Variants in RFX2 observed in about 807,000 individuals in gnomAD.
The protein encoded by RFX2 is regulatory factor X2, also known as DNA-binding protein RFX2.
Under a neutral mutation model 87.8 loss-of-function variants are expected in RFX2, and 20 were observed. The observed-to-expected ratio is 0.23, with a 90% CI of 0.16 to 0.33. The LOEUF (loss-of-function observed/expected upper bound fraction) is 0.33. Among genes scored for constraint, RFX2 ranks in the 10% least tolerant of loss-of-function variants. The pLI, the probability that RFX2 is intolerant of heterozygous loss-of-function variation, is 1.00. For synonymous variants in RFX2, 397 were observed against 431.3 expected (o/e 0.92, Z 0.98); for missense variants, 767 against 1,012.3 (o/e 0.76, Z 3.29).
intron 1 of RFX2, among the ~76,000 whole-genome samples, chr19:6,052,404 CT>C (rs1485579703): frequency 2.0e-5 from 3 of 152,048 alleles, no homozygotes; most frequent in Admixed American, 1.3e-4. Context: ...ATTAACAAAA[CT>C]AAAGGAGGAA....
rs1335413991 is a variant in RFX2 at position 6,047,573 on chromosome 19, C to T, written c.-8-69G>A. ...CACTGAAATCCGAAGAGGCAACTAA[C>T]AAGTTCAAGGGAGGGAAGGAGTAAC... On this transcript the variant is annotated intron_variant, in intron 1 of 17. Transcript: ENST00000303657. This position sits in a 1 kb window ranked among gnomAD's most constrained non-coding sequence, Gnocchi z 4.2. 22 of 1,275,694 alleles carry T rather than the reference C, an allele frequency of 1.7e-5. No homozygotes were observed. The highest frequency in any genetic ancestry group is 2.1e-5 in the Non-Finnish European group (19 of 898,428). The allele number at this position is 1,275,694 out of a possible 1,614,324, so 79.0% of individuals were successfully genotyped here.
chr19:6,108,530 G>A (rs1305469317), intron 1 of RFX2, among the ~76,000 whole-genome samples: 1 of 152,110 alleles, frequency 6.6e-6, no homozygotes. Flanking sequence ...ACTTTGTTGG[G>A]GAACTCTTAG....
At chr19:6,065,990 G>A (rs996787740) in intron 1 of RFX2, among the ~76,000 whole-genome samples, 6 of 151,922 alleles carry the variant, frequency 3.9e-5, no homozygotes, top group Non-Finnish European at 5.9e-5. Context: ...GTGGGGGCGG[G>A]GGCTGGGGGC....
rs1023631913 is a variant in RFX2, at chr19:6,007,081, T to A, written c.1333A>T (p.Ser445Cys). 1 of 1,614,094 alleles carries A rather than the reference T, an allele frequency of 6.2e-7. No homozygotes were observed. Residue 445 changes from serine (S) to cysteine (C), a missense_variant, in exon 12 of 18, where the codon AGC (serine) becomes TGC (cysteine). This residue lies in a region of RFX2 where 621 missense variants were observed against 873.0 expected (regional missense o/e 0.71). Coordinates refer to ENST00000303657, the MANE Select transcript of RFX2 (RefSeq NM_000635.4). The surrounding 1 kb of genome is among the most constrained non-coding windows in gnomAD (Gnocchi z 8.2). ...GCCTGGTAGAGGATGTGGTCGCAGC[T>A]CCTCATCCACCTGAGGATGGGGTCG... The part of the protein sequence containing the change: ...QCDPILRWMR[S>C]CDHILYQALV...
In RFX2 at chr19:6,002,445, G is replaced by A. The variant is rs73923416; in HGVS notation, c.1650+276C>T. Among the ~76,000 whole-genome samples, 1 of 152,232 alleles carries A rather than the reference G, an allele frequency of 6.6e-6. No individual in the cohort carries two copies. The highest frequency in any genetic ancestry group is 2.4e-5 in the African/African-American group (1 of 41,460). On this transcript the variant is annotated intron_variant, in intron 14 of 17. Transcript: ENST00000303657. The surrounding 1 kb of genome is among the most constrained non-coding windows in gnomAD (Gnocchi z 6.7). ...GGAAAATGGCCACAGGGAGGTCAAC[G>A]TGGTGCCACGATCCTGGAAGCTGGG...
chr19:6,086,247 G>A (rs934737733), intron 1 of RFX2, among the ~76,000 whole-genome samples: 5 of 152,054 alleles, frequency 3.3e-5, no homozygotes, highest in South Asian at 2.1e-4. Context: ...GCCATGAGTC[G>A]CTTCCTGACA....
intron 1 of RFX2, among the ~76,000 whole-genome samples, chr19:6,080,202 A>ATATGTG (rs1555681457): frequency 5.8e-5 from 8 of 138,412 alleles, no homozygotes; most frequent in African/African-American, 2.1e-4. Flanking sequence ...TGCCTGGTTA[A>ATATGTG]TGTGTGTGTG....
chr19:6,007,810 T>C lies in RFX2; in HGVS notation c.1135-8A>G, dbSNP rs775099594. The C allele has an allele frequency of 5.9e-6, 9 of 1,531,328 alleles. No individual in the cohort carries two copies. Among genetic ancestry groups the C allele is most frequent in the Non-Finnish European group, 8.0e-6 (9 of 1,128,196 alleles). The allele number at this position is 1,531,328 out of a possible 1,614,324, so 94.9% of individuals were successfully genotyped here. Reference sequence around the variant, plus strand: ...CACCACATCTACAGTTGCCTAGGAATGAAGGGACCGGTGAGACAGACGGGT... The same window carrying C: ...CACCACATCTACAGTTGCCTAGGAACGAAGGGACCGGTGAGACAGACGGGT... On this transcript the variant is annotated splice_polypyrimidine_tract_variant and splice_region_variant and intron_variant, in intron 10 of 17. Coordinates refer to ENST00000303657, the MANE Select transcript of RFX2 (RefSeq NM_000635.4). This position sits in a 1 kb window ranked among gnomAD's most constrained non-coding sequence, Gnocchi z 8.2.
At chr19:6,087,500 AC>A (rs773047073) in intron 1 of RFX2, among the ~76,000 whole-genome samples, 2 of 152,090 alleles carry the variant, frequency 1.3e-5, no homozygotes, top group Non-Finnish European at 2.9e-5. Context: ...TCTAGCATCC[AC>A]CCATCCAACC....
chr19:6,004,142 C>T lies in RFX2; in HGVS notation c.1500+59G>A. The T allele has an allele frequency of 7.8e-7, 1 of 1,283,234 alleles. No individual in the cohort carries two copies. The highest frequency in any genetic ancestry group is 1.1e-6 in the Non-Finnish European group (1 of 878,980). The allele number at this position is 1,283,234 out of a possible 1,614,324, so 79.5% of individuals were successfully genotyped here. On this transcript the variant is annotated intron_variant, in intron 13 of 17. Transcript: ENST00000303657. The surrounding 1 kb of genome is among the most constrained non-coding windows in gnomAD (Gnocchi z 4.8). ...TGGGACACAGTGGTCCTCATGCTGT[C>T]CTGGACTGGAGCCCCTCCCAGCCAT...
At chr19:5,995,454 T>C in intron 17 of RFX2, 147 bp downstream of exon 17, 1 of 773,260 alleles carries the variant, frequency 1.3e-6, no homozygotes, top group South Asian at 1.6e-5. Context: ...CATCACCCAC[T>C]GTCCGGATGA....
rs1036701630 is a variant in RFX2 at position 6,006,974 on chromosome 19, G to A, written c.1402+38C>T. On this transcript the variant is annotated intron_variant, in intron 12 of 17. Coordinates refer to ENST00000303657, the MANE Select transcript of RFX2 (RefSeq NM_000635.4). Reference sequence around the variant, plus strand: ...AAAGGACAGAGGAGGCAGGAAGAGAGGATGGAGCAGCGCCGGGCGGGGCCG... The same window carrying A: ...AAAGGACAGAGGAGGCAGGAAGAGAAGATGGAGCAGCGCCGGGCGGGGCCG... The A allele has an allele frequency of 5.6e-6, 9 of 1,606,514 alleles. No individual in the cohort carries two copies. The African/African-American group carries it at 1.2e-4, about 21-fold the overall frequency.
rs1017982198 is a variant in RFX2, at chr19:6,034,237, T to C, written c.522+5743A>G. Among the ~76,000 whole-genome samples the C allele has an allele frequency of 1.2e-3, 182 of 150,454 alleles. 1 individual carries two copies. Among genetic ancestry groups the C allele is most frequent in the African/African-American group, 4.4e-3 (178 of 40,898 alleles). On this transcript the variant is annotated intron_variant, in intron 5 of 17. Coordinates refer to ENST00000303657, the MANE Select transcript of RFX2 (RefSeq NM_000635.4). ...AGACACACACTGCTAATTTTTTTTT[T>C]TTTTTTTTTTGAGACGGAGTCTCAT...
At chr19:6,014,428 G>A (rs960769017) in intron 7 of RFX2, among the ~76,000 whole-genome samples, 6 of 152,142 alleles carry the variant, frequency 3.9e-5, no homozygotes, top group Admixed American at 1.3e-4. Context: ...TAGTAGGGAC[G>A]GGGATTCACC....
In RFX2 at chr19:6,093,333, G is replaced by A. The variant is rs1034731554; in HGVS notation, c.-9+17060C>T. ...GCAGATTGCCTGAGCTCAGGAGTTC[G>A]AGGCCAGCCTGGCCAACATGGTGAA... is the stretch of plus-strand genomic sequence containing the variant. On this transcript the variant is annotated intron_variant, in intron 1 of 17. Coordinates refer to ENST00000303657, the MANE Select transcript of RFX2 (RefSeq NM_000635.4). Among the ~76,000 whole-genome samples the A allele has an allele frequency of 3.3e-5, 5 of 152,114 alleles. No individual in the cohort carries two copies. The South Asian group carries it at 6.2e-4, about 19-fold the overall frequency.
At chr19:6,019,764 C>T (rs1002599533) in intron 6 of RFX2, 1 of 152,084 alleles carries the variant, frequency 6.6e-6, no homozygotes, top group Non-Finnish European at 1.5e-5. Context: ...GGCCCTGAAG[C>T]TTTTCTTCCC....
chr19:6,084,386 T>A (rs902212756), intron 1 of RFX2, among the ~76,000 whole-genome samples: 1 of 152,306 alleles, frequency 6.6e-6, no homozygotes, highest in Middle Eastern at 3.4e-3. Flanking sequence ...CAATTTACCA[T>A]TTTAACCATG....
Position 6,044,466 on chromosome 19 carries a change from C to T in RFX2, c.91-184G>A, listed in dbSNP as rs144289056. The stretch of plus-strand genomic sequence containing the variant: ...ACTCACACCGACCTGGGCAGACACA[C>T]GGCAGGTACGTGCAGGCACACAAAC... On this transcript the variant is annotated intron_variant, in intron 2 of 17. Coordinates refer to ENST00000303657, the MANE Select transcript of RFX2 (RefSeq NM_000635.4). This position sits in a 1 kb window ranked among gnomAD's most constrained non-coding sequence, Gnocchi z 5.3. Among the ~76,000 whole-genome samples the T allele has an allele frequency of 2.5e-4, 38 of 152,346 alleles. 1 individual carries two copies. Among genetic ancestry groups the T allele is most frequent in the Non-Finnish European group, 4.4e-4 (30 of 68,028 alleles).
chr19:6,028,277 C>T (rs767255563), intron 5 of RFX2, among the ~76,000 whole-genome samples: 11 of 151,668 alleles, frequency 7.3e-5, no homozygotes, highest in Non-Finnish European at 1.0e-4. Flanking sequence ...GAGTGCGTGA[C>T]TTACAGAAGA....
Sources: allele counts gnomAD v4.1 joint callset (sites outside exome capture counted in the v4.1 genomes callset), GRCh38; gene constraint gnomAD v4.1.1; regional missense constraint gnomAD v4.1.1; non-coding constraint Gnocchi (gnomAD v3.1); transcripts MANE v1.5; gene names NCBI Gene and HGNC (gene_info 2026-07-23, HGNC 2026-07-21).